HEMK2: variants seen among roughly 807,000 people sequenced by gnomAD.
The protein encoded by HEMK2 is HemK methyltransferase 2, ETF1 glutamine and histone H4 lysine, also known as methyltransferase HEMK2.
the HEMK2 span, among the ~76,000 whole-genome samples, chr21:28,684,194 C>T: frequency 2.6e-5 from 4 of 152,150 alleles, no homozygotes; most frequent in African/African-American, 9.7e-5. Context: ...CTTATCCTAC[C>T]GTGCACATAA....
the HEMK2 span, among the ~76,000 whole-genome samples, chr21:28,724,277 C>A: frequency 6.6e-6 from 1 of 152,134 alleles, no homozygotes; most frequent in Non-Finnish European, 1.5e-5. Flanking sequence ...CTGGCAGAAA[C>A]CTCTGTTTTA....
At chr21:28,806,787 G>T in the HEMK2 span, among the ~76,000 whole-genome samples, 1 of 152,162 alleles carries the variant, frequency 6.6e-6, no homozygotes, top group African/African-American at 2.4e-5. Context: ...ACCAAAGAAT[G>T]CCTGGGTTCA....
the HEMK2 span, among the ~76,000 whole-genome samples, chr21:28,755,133 A>C: frequency 6.6e-6 from 1 of 152,186 alleles, no homozygotes; most frequent in Non-Finnish European, 1.5e-5. Flanking sequence ...TGAGGTCTTC[A>C]GAGGTCTTCA....
At chr21:28,734,563 T>G in the HEMK2 span, among the ~76,000 whole-genome samples, 1 of 152,164 alleles carries the variant, frequency 6.6e-6, no homozygotes, top group African/African-American at 2.4e-5. Flanking sequence ...AAATGAATTG[T>G]TTTTACATGA....
the HEMK2 span, among the ~76,000 whole-genome samples, chr21:28,677,463 C>T: frequency 1.6e-4 from 25 of 152,328 alleles, no homozygotes; most frequent in Middle Eastern, 6.8e-3. Context: ...TAGACTCCAC[C>T]TCTGGGGGCA....
the HEMK2 span, among the ~76,000 whole-genome samples, chr21:28,713,369 C>T: frequency 6.6e-6 from 1 of 152,124 alleles, no homozygotes; most frequent in Non-Finnish European, 1.5e-5. Context: ...AGCTTAAAGC[C>T]CTGCATTGGT....
At chr21:28,630,675 A>G in the HEMK2 span, among the ~76,000 whole-genome samples, 1 of 151,018 alleles carries the variant, frequency 6.6e-6, no homozygotes, top group Non-Finnish European at 1.5e-5. Flanking sequence ...AAACTATCGC[A>G]AGGACAAAAA....
At chr21:28,820,395 T>C in the HEMK2 span, among the ~76,000 whole-genome samples, 3 of 152,182 alleles carry the variant, frequency 2.0e-5, no homozygotes, top group African/African-American at 7.2e-5. Context: ...TGAACCCATA[T>C]TGCAAGAAGG....
the HEMK2 span, among the ~76,000 whole-genome samples, chr21:28,656,708 C>T: frequency 6.6e-6 from 1 of 152,082 alleles, no homozygotes; most frequent in African/African-American, 2.4e-5. Flanking sequence ...ATCTGCCTCA[C>T]AAAGGAGGCA....
chr21:28,669,560 T>G, the HEMK2 span, among the ~76,000 whole-genome samples: 4 of 152,182 alleles, frequency 2.6e-5, no homozygotes, highest in South Asian at 8.3e-4. Context: ...TTAAACCGTG[T>G]TCCTGCTTAC....
the HEMK2 span, among the ~76,000 whole-genome samples, chr21:28,760,981 T>C: frequency 8.5e-5 from 13 of 152,206 alleles, no homozygotes; most frequent in African/African-American, 3.1e-4. Flanking sequence ...ATTGAGTTTA[T>C]GTTATTATTT....
chr21:28,606,868 T>C, the HEMK2 span, among the ~76,000 whole-genome samples: 1 of 152,204 alleles, frequency 6.6e-6, no homozygotes, highest in African/African-American at 2.4e-5. Context: ...AAGAAATTGC[T>C]ATCTTAACCT....
chr21:28,797,433 CAAAAAAAACAAAAA>C, the HEMK2 span, among the ~76,000 whole-genome samples: 2 of 127,444 alleles, frequency 1.6e-5, no homozygotes, highest in African/African-American at 6.9e-5. Context: ...CTGTCTCTAC[CAAAAAAAACAAAAA>C]AAAAAAACAA....
the HEMK2 span, among the ~76,000 whole-genome samples, chr21:28,675,412 G>A: frequency 5.3e-5 from 8 of 152,070 alleles, no homozygotes; most frequent in Admixed American, 2.6e-4. Flanking sequence ...TTGAAAACTC[G>A]TGATCTAACT....
the HEMK2 span, among the ~76,000 whole-genome samples, chr21:28,863,353 A>C: frequency 6.9e-6 from 1 of 143,892 alleles, no homozygotes; most frequent in Non-Finnish European, 1.5e-5. Flanking sequence ...CTCAGCCTGC[A>C]GACGGCTTAT....
chr21:28,838,028 C>T, the HEMK2 span, among the ~76,000 whole-genome samples: 13 of 151,990 alleles, frequency 8.6e-5, no homozygotes, highest in Admixed American at 3.9e-4. Context: ...TAACAAGCAG[C>T]GAGATTGAAA....
chr21:28,746,780 C>T, the HEMK2 span, among the ~76,000 whole-genome samples: 12 of 151,674 alleles, frequency 7.9e-5, no homozygotes, highest in East Asian at 2.3e-3. Flanking sequence ...ACTTGAAGAA[C>T]ACAAATAAGG....
At chr21:28,770,749 A>C in the HEMK2 span, among the ~76,000 whole-genome samples, 360 of 152,142 alleles carry the variant, frequency 2.4e-3, no homozygotes, top group African/African-American at 6.8e-3. Flanking sequence ...CCAGATGCTG[A>C]CACCTTGACT....
chr21:28,649,556 A>G, the HEMK2 span, among the ~76,000 whole-genome samples: 1 of 152,346 alleles, frequency 6.6e-6, no homozygotes, highest in African/African-American at 2.4e-5. Flanking sequence ...AAACAACTAC[A>G]TGAACAGTAG....
Sources: allele counts gnomAD v4.1 joint callset (sites outside exome capture counted in the v4.1 genomes callset), GRCh38; gene constraint gnomAD v4.1.1; transcripts MANE v1.5; gene names NCBI Gene and HGNC (gene_info 2026-07-23, HGNC 2026-07-21).